Variants in SPOPL observed in about 807,000 individuals in gnomAD.
SPOPL encodes the protein speckle type BTB/POZ protein like.
SPOPL carries 23 observed loss-of-function variants against 53.8 expected under a neutral mutation model. The observed-to-expected ratio is 0.43, with a 90% confidence interval of 0.31 to 0.61. SPOPL has a LOEUF of 0.61. Ranked by LOEUF, SPOPL falls within the 20% of genes least tolerant of loss-of-function variation. SPOPL has a pLI of 0.12. For synonymous variants in SPOPL, 164 were observed against 149.7 expected, an observed-to-expected ratio of 1.10 and a Z score of -0.70; for missense variants, 442 against 466.9, an observed-to-expected ratio of 0.95 and a Z score of 0.49.
chr2:138,550,678 T>C lies in SPOPL; in HGVS notation c.200+74T>C, dbSNP rs572576298. The C allele has an allele frequency of 2.7e-5, 41 of 1,532,400 alleles. No homozygotes were observed. The South Asian group carries it at 5.1e-4, about 19-fold the overall frequency. 94.9% of individuals were successfully genotyped at this position (1,532,400 alleles called of 1,614,324 possible). On this transcript the variant is annotated intron_variant, in intron 3 of 10. Transcript: ENST00000280098. The stretch of plus-strand genomic sequence containing the variant: ...TCATCAGCTGCTCATGATTTTGTTA[T>C]CATTTTTCCTGAATGAGTATTAATG...
chr2:138,533,602 A>G (rs573143813), intron 1 of SPOPL, among the ~76,000 whole-genome samples: 1 of 152,064 alleles, frequency 6.6e-6, no homozygotes, highest in African/African-American at 2.4e-5. Flanking sequence ...GTGTATTACT[A>G]TTTTATCACC....
At position 138,542,365 on chromosome 2, in the gene SPOPL, A is replaced by T. The variant is rs1358941683; in HGVS notation, c.-60-7792A>T. On this transcript the variant is annotated intron_variant, in intron 1 of 10. Coordinates refer to ENST00000280098, the MANE Select transcript of SPOPL (RefSeq NM_001001664.3). Reference sequence around the variant, plus strand: ...AAGTCTCCCATTATTATTGTGTGGGAGTCTAAGTCTCTTTGTAGGTCTGTA... The same window carrying T: ...AAGTCTCCCATTATTATTGTGTGGGTGTCTAAGTCTCTTTGTAGGTCTGTA... Among the ~76,000 whole-genome samples, 3 of 152,056 alleles carry T rather than the reference A, an allele frequency of 2.0e-5. No individual in the cohort carries two copies. The East Asian group carries it at 5.8e-4, about 29-fold the overall frequency.
intron 8 of SPOPL, among the ~76,000 whole-genome samples, chr2:138,561,216 A>G (rs906200837): frequency 1.3e-5 from 2 of 152,198 alleles, no homozygotes; most frequent in African/African-American, 4.8e-5. Flanking sequence ...ACACAGTGAC[A>G]TATATAATTT....
At chr2:138,539,356 A>C (rs1045402809) in intron 1 of SPOPL, among the ~76,000 whole-genome samples, 16 of 152,242 alleles carry the variant, frequency 1.1e-4, no homozygotes, top group Admixed American at 3.3e-4. Flanking sequence ...ACTAGTTTAC[A>C]GTCCCACCAA....
intron 3 of SPOPL, 118 bp downstream of exon 3, chr2:138,550,722 G>A: frequency 3.5e-6 from 5 of 1,441,714 alleles, no homozygotes; most frequent in Non-Finnish European, 4.7e-6. Context: ...TATTAGATTG[G>A]TAGTATGTTC....
chr2:138,564,540 A>G (rs534493265), intron 8 of SPOPL, 168 bp from the exon 9 acceptor site: 187 of 693,922 alleles, frequency 2.7e-4, no homozygotes, highest in Non-Finnish European at 3.9e-4. Flanking sequence ...TTCTAAGTGC[A>G]TTTGTTTATA....
At chr2:138,565,085 A>G (rs1685632627) in intron 10 of SPOPL, 92 bp downstream of exon 10, 1 of 1,472,342 alleles carries the variant, frequency 6.8e-7, no homozygotes, top group Non-Finnish European at 9.3e-7. Context: ...ATAAGTATGA[A>G]TCCAAATGTT....
chr2:138,514,295 G>A (rs188333981), intron 1 of SPOPL, among the ~76,000 whole-genome samples: 12 of 152,276 alleles, frequency 7.9e-5, no homozygotes, highest in East Asian at 1.9e-4. Flanking sequence ...GCCCAGAAAG[G>A]CAGGACAACT....
chr2:138,515,214 G>A (rs1422953011), intron 1 of SPOPL, among the ~76,000 whole-genome samples: 2 of 152,216 alleles, frequency 1.3e-5, no homozygotes, highest in South Asian at 4.1e-4. Flanking sequence ...TGAGTTTTAA[G>A]ATTTTGCAAG....
intron 1 of SPOPL, among the ~76,000 whole-genome samples, chr2:138,539,275 T>C (rs1685008787): frequency 6.6e-6 from 1 of 152,224 alleles, no homozygotes; most frequent in African/African-American, 2.4e-5. Context: ...AGTAATGGGA[T>C]GGCTGGGTCA....
At chr2:138,554,496 C>T in intron 5 of SPOPL, 1 of 1,290,090 alleles carries the variant, frequency 7.8e-7, no homozygotes, top group Non-Finnish European at 1.0e-6. Context: ...TCCTAAAGAA[C>T]TGCCTCCTCC....
At chr2:138,515,008 C>T (rs935733475) in intron 1 of SPOPL, among the ~76,000 whole-genome samples, 6 of 152,256 alleles carry the variant, frequency 3.9e-5, no homozygotes, top group East Asian at 1.9e-4. Flanking sequence ...ACCAGGGGAA[C>T]GTGGAACAGA....
intron 1 of SPOPL, among the ~76,000 whole-genome samples, chr2:138,531,971 G>A (rs1684819129): frequency 6.6e-6 from 1 of 151,866 alleles, no homozygotes; most frequent in Non-Finnish European, 1.5e-5. Context: ...ATCCAATCAG[G>A]GACTAAAGTG....
chr2:138,550,378 A>G lies in SPOPL; in HGVS notation c.78+84A>G, dbSNP rs1315047496. The G allele has an allele frequency of 5.7e-6, 9 of 1,589,508 alleles. No individual in the cohort carries two copies. In the East Asian group the frequency reaches 9.0e-5, roughly 16 times the overall value. On this transcript the variant is annotated intron_variant, in intron 2 of 10. Transcript: ENST00000280098. ...GAATAGTATTGTGAAACACTTTGCC[A>G]TAGTTATTAGAAGTGTTAGAAGACT...
At chr2:138,564,508 T>A (rs1685617283) in intron 8 of SPOPL, 200 bp from the exon 9 acceptor site, 5 of 557,050 alleles carry the variant, frequency 9.0e-6, no homozygotes, top group Non-Finnish European at 1.5e-5. Flanking sequence ...AATTGCAGTT[T>A]CCTAAAGAAA....
At chr2:138,546,087 G>T (rs1685189192) in intron 1 of SPOPL, among the ~76,000 whole-genome samples, 1 of 152,112 alleles carries the variant, frequency 6.6e-6, no homozygotes, top group African/African-American at 2.4e-5. Flanking sequence ...CTGAATATTT[G>T]AGATTTTTAT....
intron 8 of SPOPL, among the ~76,000 whole-genome samples, chr2:138,562,783 C>CA (rs35397774): frequency 0.38 from 24,065 of 63,776 alleles, 3,929 homozygotes; most frequent in African/African-American, 0.53. Flanking sequence ...GATTCCATCT[C>CA]AAAAAAAAAA....
intron 1 of SPOPL, among the ~76,000 whole-genome samples, chr2:138,544,852 G>A (rs548738392): frequency 4.9e-4 from 74 of 152,298 alleles, no homozygotes; most frequent in African/African-American, 1.7e-3. Context: ...GACTGGAGCT[G>A]TTCCTATTCA....
At chr2:138,515,781 A>G (rs1684424639) in intron 1 of SPOPL, among the ~76,000 whole-genome samples, 1 of 152,148 alleles carries the variant, frequency 6.6e-6, no homozygotes, top group Non-Finnish European at 1.5e-5. Flanking sequence ...ATAAGCTCAT[A>G]GTTTTCCCTT....
Sources: allele counts gnomAD v4.1 joint callset (sites outside exome capture counted in the v4.1 genomes callset), GRCh38; gene constraint gnomAD v4.1.1; transcripts MANE v1.5; gene names NCBI Gene and HGNC (gene_info 2026-07-23, HGNC 2026-07-21).